CUL4A: variants seen among roughly 807,000 people sequenced by gnomAD.
CUL4A encodes the protein cullin-4A.
A neutral mutation model predicts 95.5 loss-of-function variants in CUL4A; 16 were observed. The observed-to-expected ratio is 0.17, with a 90% CI of 0.11 to 0.25. The LOEUF (loss-of-function observed/expected upper bound fraction) is 0.25, where lower values mean the gene tolerates loss of function less well. Among genes scored for constraint, CUL4A ranks in the 10% least tolerant of loss-of-function variants. CUL4A has a pLI of 1.00. For missense variants in CUL4A, 610 were observed against 937.0 expected (o/e 0.65, Z 4.56); for synonymous variants, 380 against 353.1 (o/e 1.08, Z -0.85).
chr13:113,209,501 G>A, upstream of CUL4A: 1 of 505,764 alleles, frequency 2.0e-6, no homozygotes, highest in Non-Finnish European at 2.5e-6. Context: ...TTGGGCTCGG[G>A]CACGCGGGCG....
At chr13:113,214,582 G>A (rs1567011247) in intron 2 of CUL4A, among the ~76,000 whole-genome samples, 1 of 152,110 alleles carries the variant, frequency 6.6e-6, no homozygotes, top group Non-Finnish European at 1.5e-5. Flanking sequence ...GGAACTCCTG[G>A]ACTCAAACAG....
chr13:113,221,970 C>T (rs910676978), intron 3 of CUL4A, among the ~76,000 whole-genome samples: 2 of 152,176 alleles, frequency 1.3e-5, no homozygotes, highest in Non-Finnish European at 2.9e-5. Flanking sequence ...AGGGGCGAAG[C>T]GATGTCTGGG....
At position 113,266,038 on chromosome 13, in the gene CUL4A, A is replaced by C. The variant is rs555198304; in HGVS notation, c.*2456A>C. 1 of 152,236 alleles carries C rather than the reference A, an allele frequency of 6.6e-6. No individual in the cohort carries two copies. The highest frequency in any genetic ancestry group is 2.1e-4 in the South Asian group (1 of 4,822). 9.4% of individuals were successfully genotyped at this position (152,236 alleles called of 1,614,324 possible). A position where few individuals can be genotyped will look rare whatever the true frequency, so the allele number is the denominator to read the frequency against. On this transcript the variant is annotated 3_prime_UTR_variant, in exon 20 of 20. Transcript: ENST00000375440. ...GGTCATTTTTTATTTTTATTTAGAG[A>C]CAGGGTCTTAACTGTCACCTGGACT...
chr13:113,240,451 C>T (rs1397100140), intron 10 of CUL4A, among the ~76,000 whole-genome samples: 3 of 152,168 alleles, frequency 2.0e-5, no homozygotes, highest in Non-Finnish European at 4.4e-5. Context: ...ACAGATAGCT[C>T]GTGTTTTCAG....
chr13:113,222,155 TGA>T (rs903683654), intron 3 of CUL4A, among the ~76,000 whole-genome samples: 16 of 151,958 alleles, frequency 1.1e-4, no homozygotes, highest in African/African-American at 3.1e-4. Flanking sequence ...AAGGGGAAAA[TGA>T]GAGGAAGGTG....
At chr13:113,253,344 G>T in intron 16 of CUL4A, 149 bp downstream of exon 16, 1 of 399,410 alleles carries the variant, frequency 2.5e-6, no homozygotes, top group Non-Finnish European at 4.4e-6. Flanking sequence ...CAGTTAAAGG[G>T]TTATTATTCC....
intron 10 of CUL4A, 137 bp from the exon 11 acceptor site, chr13:113,242,831 G>T: frequency 1.5e-6 from 1 of 663,792 alleles, no homozygotes; most frequent in Non-Finnish European, 2.4e-6. Flanking sequence ...AATTCAATTT[G>T]TGAAACTTTT....
At chr13:113,240,465 G>A (rs556213624) in intron 10 of CUL4A, among the ~76,000 whole-genome samples, 1 of 152,330 alleles carries the variant, frequency 6.6e-6, no homozygotes, top group African/African-American at 2.4e-5. Flanking sequence ...TTTTCAGGAT[G>A]TGCCAGTTGC....
At chr13:113,215,952 C>T (rs577851864) in intron 2 of CUL4A, among the ~76,000 whole-genome samples, 9 of 143,010 alleles carry the variant, frequency 6.3e-5, no homozygotes, top group South Asian at 4.5e-4. Flanking sequence ...ATGGAGGTCT[C>T]GTCTGTGTGG....
intron 15 of CUL4A, among the ~76,000 whole-genome samples, chr13:113,248,787 T>A (rs2041920343): frequency 6.6e-6 from 1 of 152,252 alleles, no homozygotes; most frequent in African/African-American, 2.4e-5. Flanking sequence ...AAATAGTTGT[T>A]ACACTGTATT....
chr13:113,243,636 C>T (rs1431114065), intron 11 of CUL4A, among the ~76,000 whole-genome samples: 1 of 150,890 alleles, frequency 6.6e-6, no homozygotes. Context: ...AGCTGAAATA[C>T]GACGATACTA....
chr13:113,257,009 C>T (rs1195422525), intron 18 of CUL4A, among the ~76,000 whole-genome samples: 1 of 138,964 alleles, frequency 7.2e-6, no homozygotes, highest in African/African-American at 2.6e-5. Flanking sequence ...ACTGCAACCT[C>T]CGTCCTCCGG....
Position 113,222,525 on chromosome 13 carries a change from T to C in CUL4A, c.368+3477T>C, listed in dbSNP as rs188803271. Among the ~76,000 whole-genome samples the C allele has an allele frequency of 1.7e-3, 255 of 149,912 alleles. 4 individuals carry two copies. The South Asian group carries it at 0.018, about 11-fold the overall frequency. ...AGGCGGGGAGGGTCTGTCGTGGTCATGTTGATTTGGAAGGAGGTGAGGAGG... is the reference window on the plus strand; with the variant it reads ...AGGCGGGGAGGGTCTGTCGTGGTCACGTTGATTTGGAAGGAGGTGAGGAGG... On this transcript the variant is annotated intron_variant, in intron 3 of 19. Transcript: ENST00000375440.
chr13:113,215,181 G>A (rs796309662), intron 2 of CUL4A, among the ~76,000 whole-genome samples: 4 of 134,434 alleles, frequency 3.0e-5, no homozygotes, highest in African/African-American at 1.1e-4. Flanking sequence ...GGTCTCTCTC[G>A]TCCGTGTGGC....
In CUL4A at chr13:113,235,107, G is replaced by A. The variant is rs539680729; in HGVS notation, c.810G>A (p.Glu270=). ...ATGTAAGTAAACGCTTAGAGGAAGA[G>A]GGAGACAGAGTAATCACTTACTTGG... ...LNHVSKRLEE[E]GDRVITYLDH... Residue 270 remains glutamate, a synonymous_variant, in exon 8 of 20, where the codon GAG becomes GAA. Transcript: ENST00000375440. 1 of 1,613,630 alleles carries A rather than the reference G, an allele frequency of 6.2e-7. No homozygotes were observed. The highest frequency in any genetic ancestry group is 1.3e-5 in the African/African-American group (1 of 75,030).
At chr13:113,234,813 A>G (rs2287246) in intron 7 of CUL4A, among the ~76,000 whole-genome samples, 34,034 of 152,080 alleles carry the variant, frequency 0.22, 4,210 homozygotes, top group South Asian at 0.43. Flanking sequence ...TTGGTGGTGC[A>G]CAGGGACGAA....
intron 18 of CUL4A, among the ~76,000 whole-genome samples, chr13:113,256,926 G>GTTTTT (rs951070829): frequency 7.8e-4 from 37 of 47,382 alleles, no homozygotes; most frequent in East Asian, 1.5e-3. Context: ...TTTTTTTTTC[G>GTTTTT]TTTTTTTTTT....
intron 18 of CUL4A, among the ~76,000 whole-genome samples, chr13:113,258,466 T>G (rs1209477621): frequency 6.6e-6 from 1 of 152,218 alleles, no homozygotes; most frequent in Admixed American, 6.5e-5. Flanking sequence ...TTCATACATA[T>G]GTGTATATAT....
At chr13:113,220,652 C>G (rs910899299) in intron 3 of CUL4A, among the ~76,000 whole-genome samples, 2 of 152,324 alleles carry the variant, frequency 1.3e-5, no homozygotes, top group African/African-American at 2.4e-5. Context: ...ACTCTAGTTG[C>G]TGTCCCAATT....
Sources: gnomAD v4.1 joint callset for allele counts (sites outside exome capture counted in the v4.1 genomes callset) on GRCh38, gnomAD v4.1.1 for gene constraint, MANE v1.5 for transcripts, NCBI Gene and HGNC (gene_info 2026-07-23, HGNC 2026-07-21) for gene names.